The following FRMD4A variants were observed in gnomAD, a reference collection of about 807,000 sequenced individuals.
FRMD4A encodes the protein FERM domain containing 4A.
A neutral mutation model predicts 129.1 loss-of-function variants in FRMD4A; 29 were observed. The ratio of observed to expected loss-of-function variants is 0.22; its 90% confidence interval spans 0.17 to 0.31. The LOEUF (loss-of-function observed/expected upper bound fraction) is 0.31. Ranked by LOEUF, FRMD4A falls within the 10% of genes least tolerant of loss-of-function variation. FRMD4A has a pLI of 1.00. For missense variants in FRMD4A, 1,272 were observed against 1,375.8 expected (o/e 0.92, Z 1.19); for synonymous variants, 634 against 571.6 (o/e 1.11, Z -1.56).
intron 2 of FRMD4A, among the ~76,000 whole-genome samples, chr10:14,040,557 C>T (rs540440256): frequency 6.6e-6 from 1 of 152,276 alleles, no homozygotes; most frequent in Non-Finnish European, 1.5e-5. Flanking sequence ...CTGAGACTAA[C>T]TGCATTTTGG....
intron 2 of FRMD4A, among the ~76,000 whole-genome samples, chr10:14,304,294 C>T (rs1238565451): frequency 6.6e-6 from 1 of 152,200 alleles, no homozygotes; most frequent in African/African-American, 2.4e-5. Flanking sequence ...CTTGCCAATA[C>T]CTGCTATTTT....
chr10:14,145,479 C>A (rs1840031311), intron 2 of FRMD4A, among the ~76,000 whole-genome samples: 1 of 152,036 alleles, frequency 6.6e-6, no homozygotes, highest in Non-Finnish European at 1.5e-5. Flanking sequence ...GAAGATAGAC[C>A]CAGGCTGGGG....
At chr10:13,743,483 G>A (rs557571444) in intron 9 of FRMD4A, among the ~76,000 whole-genome samples, 26 of 152,258 alleles carry the variant, frequency 1.7e-4, no homozygotes, top group South Asian at 4.1e-4. Context: ...GGTCCCTGGG[G>A]TGAGTTCAGG....
chr10:13,831,949 C>G (rs537217821), intron 3 of FRMD4A, among the ~76,000 whole-genome samples: 39 of 152,260 alleles, frequency 2.6e-4, no homozygotes, highest in African/African-American at 9.4e-4. Flanking sequence ...TTTAGCCAAA[C>G]AACAGCAATC....
intron 2 of FRMD4A, among the ~76,000 whole-genome samples, chr10:14,157,460 G>A (rs1022060547): frequency 7.2e-5 from 11 of 152,180 alleles, no homozygotes; most frequent in Admixed American, 2.0e-4. Flanking sequence ...AGTGGCTGTT[G>A]AGCCTTCGGC....
intron 12 of FRMD4A, among the ~76,000 whole-genome samples, chr10:13,728,939 G>T (rs976445049): frequency 3.9e-5 from 6 of 152,116 alleles, no homozygotes; most frequent in Admixed American, 3.9e-4. Flanking sequence ...TCTGATATTG[G>T]TGATTTGAGA....
chr10:13,726,026 CA>C (rs1349423938), intron 12 of FRMD4A, among the ~76,000 whole-genome samples: 1 of 152,160 alleles, frequency 6.6e-6, no homozygotes, highest in Non-Finnish European at 1.5e-5. Flanking sequence ...GAGTTAGTGC[CA>C]AGGAAGTGAG....
At chr10:13,654,108 G>GAAAT (rs60160755) in intron 23 of FRMD4A, 12,666 of 519,080 alleles carry the variant, frequency 0.024, 738 homozygotes, top group African/African-American at 0.15. Flanking sequence ...AATCCAAACC[G>GAAAT]AAATGAAATG....
chr10:13,819,315 T>C (rs79430298), intron 3 of FRMD4A, among the ~76,000 whole-genome samples: 2,070 of 152,260 alleles, frequency 0.014, 40 homozygotes, highest in African/African-American at 0.046. Context: ...AAGAAAACAC[T>C]GATCTCATTT....
At chr10:13,993,371 C>T (rs1373317376) in intron 2 of FRMD4A, among the ~76,000 whole-genome samples, 1 of 152,228 alleles carries the variant, frequency 6.6e-6, no homozygotes, top group Admixed American at 6.5e-5. Flanking sequence ...CAGAATTCCA[C>T]TCCATCTAGC....
intron 2 of FRMD4A, among the ~76,000 whole-genome samples, chr10:14,091,111 A>G (rs1259633938): frequency 1.3e-5 from 2 of 152,226 alleles, no homozygotes; most frequent in African/African-American, 2.4e-5. Flanking sequence ...AAGAAAAGAG[A>G]TGGAAGAATG....
intron 12 of FRMD4A, among the ~76,000 whole-genome samples, chr10:13,724,437 T>C (rs2089728448): frequency 6.6e-6 from 1 of 152,104 alleles, no homozygotes; most frequent in Non-Finnish European, 1.5e-5. Context: ...TCGATGTTCT[T>C]ATTATCCTAG....
chr10:13,774,964 A>G (rs2092562150), intron 6 of FRMD4A, among the ~76,000 whole-genome samples: 1 of 151,690 alleles, frequency 6.6e-6, no homozygotes, highest in Non-Finnish European at 1.5e-5. Flanking sequence ...AAAAAAAACA[A>G]CAAAAAACAA....
intron 2 of FRMD4A, among the ~76,000 whole-genome samples, chr10:14,165,779 C>T (rs1052541761): frequency 6.6e-6 from 1 of 152,224 alleles, no homozygotes; most frequent in South Asian, 2.1e-4. Context: ...CACATGTTCT[C>T]GCTTATAAGT....
intron 2 of FRMD4A, among the ~76,000 whole-genome samples, chr10:14,329,279 T>G (rs1843415531): frequency 1.3e-5 from 2 of 152,216 alleles, no homozygotes; most frequent in Non-Finnish European, 2.9e-5. Flanking sequence ...ATTACCGTGG[T>G]GTGTGGGAAC....
intron 2 of FRMD4A, among the ~76,000 whole-genome samples, chr10:13,879,538 AAG>A (rs1481261326): frequency 1.3e-5 from 2 of 152,126 alleles, no homozygotes; most frequent in African/African-American, 4.8e-5. Flanking sequence ...AATAAAATAA[AAG>A]AGAGACATTT....
rs145956961 is a variant in FRMD4A, at chr10:13,666,203, C to G, written c.1497G>C (p.Ser499=). The change falls in exon 18 of 25, where the codon TCG becomes TCC. Residue 499 remains serine, a synonymous_variant. Transcript: ENST00000357447. ...SKKLKKQRKT[S]YLNALKKLQE... is the part of the protein sequence containing the mutation. ...GCAGTTTCTTCAGTGCATTCAGATA[C>G]GAGGTTTTCCTTTGTTTCTTCAGTT... 48 of 1,613,454 alleles carry G rather than the reference C, an allele frequency of 3.0e-5. No homozygotes were observed. In the African/African-American group the frequency reaches 6.0e-4, roughly 20 times the overall value.
intron 2 of FRMD4A, among the ~76,000 whole-genome samples, chr10:14,203,635 C>T (rs1011925199): frequency 3.3e-5 from 5 of 152,290 alleles, no homozygotes; most frequent in South Asian, 2.1e-4. Flanking sequence ...AATCAGTAAG[C>T]GCTTCCCACG....
intron 2 of FRMD4A, among the ~76,000 whole-genome samples, chr10:13,896,660 A>T (rs1016684970): frequency 6.6e-6 from 1 of 152,240 alleles, no homozygotes; most frequent in South Asian, 2.1e-4. Context: ...AGTTCTGCAC[A>T]TGTGTCCCAG....
Sources: gnomAD v4.1 joint callset for allele counts (sites outside exome capture counted in the v4.1 genomes callset) on GRCh38, gnomAD v4.1.1 for gene constraint, MANE v1.5 for transcripts, NCBI Gene and HGNC (gene_info 2026-07-23, HGNC 2026-07-21) for gene names.